FRMD4B: variants seen among roughly 807,000 people sequenced by gnomAD.
The protein encoded by FRMD4B is FERM domain containing 4B.
FRMD4B carries 74 observed loss-of-function variants against 141.5 expected under a neutral mutation model. That is an observed-to-expected ratio of 0.52 (90% CI 0.43 to 0.63). The LOEUF (loss-of-function observed/expected upper bound fraction) is 0.63. Among genes scored for constraint, FRMD4B ranks in the 30% least tolerant of loss-of-function variants. The pLI is 0.00. For missense variants in FRMD4B, 1,366 were observed against 1,253.4 expected, an observed-to-expected ratio of 1.09 and a Z score of -1.36; for synonymous variants, 506 against 467.9, an observed-to-expected ratio of 1.08 and a Z score of -1.05.
At chr3:69,260,251 G>A (rs1435756456) in intron 5 of FRMD4B, among the ~76,000 whole-genome samples, 1 of 152,216 alleles carries the variant, frequency 6.6e-6, no homozygotes, top group Non-Finnish European at 1.5e-5. Context: ...CCCTCTGCTT[G>A]CGGGGAGGTG....
At chr3:69,412,919 G>A (rs1704784186) in intron 2 of FRMD4B, among the ~76,000 whole-genome samples, 1 of 135,334 alleles carries the variant, frequency 7.4e-6, no homozygotes, top group Non-Finnish European at 1.5e-5. Flanking sequence ...TGGGTGGGAA[G>A]CTTCACACGC....
chr3:69,526,319 T>C (rs1267190114), intron 1 of FRMD4B, among the ~76,000 whole-genome samples: 1 of 152,152 alleles, frequency 6.6e-6, no homozygotes, highest in African/African-American at 2.4e-5. Context: ...TAGCTTACAG[T>C]GGTAGTTGAA....
intron 7 of FRMD4B, among the ~76,000 whole-genome samples, chr3:69,236,227 G>T (rs1237723960): frequency 6.0e-5 from 9 of 149,592 alleles, no homozygotes; most frequent in South Asian, 4.2e-4. Context: ...TTATTGTTTT[G>T]GTTTTTTTTT....
chr3:69,170,270 G>T lies in FRMD4B; in HGVS notation c.*1591C>A, dbSNP rs1412586894. ...ATGGAAGAAAACGTAAACATTTTCAGTAGCACACCTTTTGTTTATTGACCT... is the reference window on the plus strand; with the variant it reads ...ATGGAAGAAAACGTAAACATTTTCATTAGCACACCTTTTGTTTATTGACCT... On this transcript the variant is annotated 3_prime_UTR_variant, in exon 23 of 23. Coordinates refer to ENST00000398540, the MANE Select transcript of FRMD4B (RefSeq NM_015123.3). 1 of 152,146 alleles carries T rather than the reference G, an allele frequency of 6.6e-6. No homozygotes were observed. Among genetic ancestry groups the T allele is most frequent in the Non-Finnish European group, 1.5e-5 (1 of 68,030 alleles). 9.4% of individuals were successfully genotyped at this position (152,146 alleles called of 1,614,324 possible).
chr3:69,293,879 T>TAAAA (rs1700955865), intron 4 of FRMD4B, among the ~76,000 whole-genome samples: 2 of 9,180 alleles, frequency 2.2e-4, no homozygotes, highest in Non-Finnish European at 4.4e-4. Flanking sequence ...AGATTCTGCC[T>TAAAA]CAAAAAAAAA....
chr3:69,198,591 A>ATTG, intron 12 of FRMD4B, 107 bp downstream of exon 12: 3 of 681,136 alleles, frequency 4.4e-6, no homozygotes, highest in Non-Finnish European at 5.3e-6. Context: ...GTATACACCC[A>ATTG]AGAGAAATGA....
intron 7 of FRMD4B, among the ~76,000 whole-genome samples, chr3:69,231,585 G>C (rs1029983439): frequency 2.6e-5 from 4 of 152,216 alleles, no homozygotes; most frequent in African/African-American, 9.6e-5. Flanking sequence ...ACTGTGCCCG[G>C]CCCAGCTGCA....
Position 69,385,817 on chromosome 3 carries a change from C to A in FRMD4B, c.162+11G>T. 6.5e-7 allele frequency: 1 copy of A among 1,545,430 alleles called. No individual in the cohort carries two copies. The highest frequency in any genetic ancestry group is 2.4e-5 in the East Asian group (1 of 41,518). On this transcript the variant is annotated intron_variant, in intron 1 of 22. Coordinates refer to ENST00000398540, the MANE Select transcript of FRMD4B (RefSeq NM_015123.3). ...TGCTGGGGCCCTCGGGTGCCGCGCG[C>A]TCCAGCTCACCTGGTACACGTCCTG...
At chr3:69,176,871 A>G (rs192156230) in intron 21 of FRMD4B, among the ~76,000 whole-genome samples, 238 of 152,194 alleles carry the variant, frequency 1.6e-3, no homozygotes, top group African/African-American at 5.5e-3. Flanking sequence ...CCTCATCTAT[A>G]GAGTAGGGAT....
At position 69,345,184 on chromosome 3, in the gene FRMD4B, A is replaced by T. The variant is rs371468567; in HGVS notation, c.163-31667T>A. ...GTCTTAGCAAATGGCACACCAGGAG[A>T]TTATATCCTGCACCTGACTCGGAGG... On this transcript the variant is annotated intron_variant, in intron 1 of 22. Coordinates refer to ENST00000398540, the MANE Select transcript of FRMD4B (RefSeq NM_015123.3). 3.3e-5 allele frequency among the ~76,000 whole-genome samples: 5 copies of T among 152,282 alleles called. No individual in the cohort carries two copies. In the East Asian group the frequency reaches 5.8e-4, roughly 18 times the overall value.
chr3:69,332,044 G>T (rs575407851), intron 1 of FRMD4B, among the ~76,000 whole-genome samples: 1 of 152,076 alleles, frequency 6.6e-6, no homozygotes, highest in African/African-American at 2.4e-5. Flanking sequence ...CTGAGATCAC[G>T]CCACTGCATT....
rs556428452 is a variant in FRMD4B at position 69,327,267 on chromosome 3, G to A, written c.163-13750C>T. 4.6e-5 allele frequency among the ~76,000 whole-genome samples: 7 copies of A among 152,272 alleles called. No individual in the cohort carries two copies. The South Asian group carries it at 1.5e-3, about 32-fold the overall frequency. On this transcript the variant is annotated intron_variant, in intron 1 of 22. Transcript: ENST00000398540. ...CTGTAGGAAGGAGTAAAAAAGTACT[G>A]CGTCTTTCAAAGACTTAAAAGTCTC... is the stretch of plus-strand genomic sequence containing the variant.
intron 17 of FRMD4B, 60 bp downstream of exon 17, chr3:69,193,588 C>G (rs986114378): frequency 1.4e-5 from 12 of 883,514 alleles, no homozygotes; most frequent in African/African-American, 1.4e-4. Context: ...TTTGGAAATG[C>G]TATATACCAT....
At chr3:69,197,125 C>G (rs1302539755) in intron 12 of FRMD4B, 87 bp from the exon 13 acceptor site, 1 of 1,005,034 alleles carries the variant, frequency 9.9e-7, no homozygotes, top group Non-Finnish European at 1.5e-6. Flanking sequence ...TGTAACAAAG[C>G]ATGTTCCTCT....
chr3:69,393,234 A>C (rs1280838387), intron 2 of FRMD4B, among the ~76,000 whole-genome samples: 1 of 150,586 alleles, frequency 6.6e-6, no homozygotes, highest in Non-Finnish European at 1.5e-5. Context: ...ACAAAGCAAA[A>C]CTTTCTCATT....
At chr3:69,499,598 T>C (rs1443364825) in intron 1 of FRMD4B, among the ~76,000 whole-genome samples, 6 of 152,242 alleles carry the variant, frequency 3.9e-5, no homozygotes, top group Admixed American at 3.3e-4. Flanking sequence ...CACATCTCTA[T>C]AGCTCTCCAG....
At chr3:69,456,101 A>G (rs1048097603) in intron 1 of FRMD4B, among the ~76,000 whole-genome samples, 3 of 152,192 alleles carry the variant, frequency 2.0e-5, no homozygotes, top group Non-Finnish European at 4.4e-5. Context: ...GCTTTCCATC[A>G]CTTATATAGG....
chr3:69,218,926 G>C, intron 9 of FRMD4B, among the ~76,000 whole-genome samples: 1 of 152,166 alleles, frequency 6.6e-6, no homozygotes, highest in East Asian at 1.9e-4. Context: ...ACTTTGGGAG[G>C]CCGAGGCGGG....
intron 1 of FRMD4B, among the ~76,000 whole-genome samples, chr3:69,538,225 ACT>A (rs1212962617): frequency 3.3e-5 from 5 of 152,242 alleles, no homozygotes; most frequent in African/African-American, 1.2e-4. Context: ...TCCTGAAGTC[ACT>A]GTTTAGCCCT....
Sources: gnomAD v4.1 joint callset for allele counts (sites outside exome capture counted in the v4.1 genomes callset) on GRCh38, gnomAD v4.1.1 for gene constraint, MANE v1.5 for transcripts, NCBI Gene and HGNC (gene_info 2026-07-23, HGNC 2026-07-21) for gene names.